ARL10: variants seen among roughly 807,000 people sequenced by gnomAD.
ARL10 encodes ARF like GTPase 10.
In ARL10, 23 loss-of-function variants were observed where a neutral mutation model predicts 26.1. The observed-to-expected ratio is 0.88, with a 90% CI of 0.63 to 1.25. The LOEUF is 1.25. Ranked by LOEUF, ARL10 falls within the 50% of genes most tolerant of loss-of-function variation. ARL10 has a pLI of 0.00. For synonymous variants in ARL10, 138 were observed against 149.1 expected (o/e 0.93, Z 0.54); for missense variants, 300 against 323.6 (o/e 0.93, Z 0.56).
Position 176,377,587 on chromosome 5 carries a change from G to T in ARL10, c.*5692G>T, listed in dbSNP as rs1455216288. Reference sequence around the variant, plus strand: ...GAAGTCCATCTGTAAGCGTTCAAATGGTCCATCAGGTGTTGGTGGAAATAC... The same window carrying T: ...GAAGTCCATCTGTAAGCGTTCAAATTGTCCATCAGGTGTTGGTGGAAATAC... On this transcript the variant is annotated 3_prime_UTR_variant, in exon 4 of 4. Coordinates refer to ENST00000310389, the MANE Select transcript of ARL10 (RefSeq NM_173664.6). The surrounding 1 kb of genome is among the most constrained non-coding windows in gnomAD (Gnocchi z 4.5). The T allele has an allele frequency of 6.6e-6, 1 of 152,174 alleles. No individual in the cohort carries two copies. Among genetic ancestry groups the T allele is most frequent in the Non-Finnish European group, 1.5e-5 (1 of 68,038 alleles). 9.4% of individuals were successfully genotyped at this position (152,174 alleles called of 1,614,324 possible).
chr5:176,399,166 GTGTT>G (rs1277667880), intron 1 of ARL10, among the ~76,000 whole-genome samples: 2 of 151,942 alleles, frequency 1.3e-5, no homozygotes, highest in East Asian at 3.9e-4. Flanking sequence ...ACTTTATAAT[GTGTT>G]TGTCTGTCTC....
chr5:176,369,873 C>A (rs1478076882), intron 3 of ARL10, among the ~76,000 whole-genome samples: 1 of 150,906 alleles, frequency 6.6e-6, no homozygotes, highest in African/African-American at 2.4e-5. Context: ...GCAGAAAGAT[C>A]ACTTGAACCC....
At chr5:176,406,174 G>A (rs569593173), downstream of ARL10, 1 of 989,550 alleles carries the variant, frequency 1.0e-6, no homozygotes, top group East Asian at 1.1e-4. Flanking sequence ...TCTCAGTGGG[G>A]AGATCAGTCA....
chr5:176,369,479 C>T (rs1011029223), intron 3 of ARL10, among the ~76,000 whole-genome samples: 10 of 152,120 alleles, frequency 6.6e-5, no homozygotes, highest in Non-Finnish European at 7.3e-5. Flanking sequence ...GTGATCCGCC[C>T]GCCTCAGCTT....
chr5:176,399,814 A>G (rs1401188490), intron 1 of ARL10, among the ~76,000 whole-genome samples: 1 of 151,562 alleles, frequency 6.6e-6, no homozygotes, highest in Non-Finnish European at 1.5e-5. Flanking sequence ...GGAGGCGAAG[A>G]TTGCAGTGAG....
At chr5:176,397,613 T>C in intron 1 of ARL10, 1 of 1,479,168 alleles carries the variant, frequency 6.8e-7, no homozygotes, top group Non-Finnish European at 9.1e-7. Flanking sequence ...TCACCGGTTG[T>C]TGATCTTGTT....
Position 176,372,964 on chromosome 5 carries a change from GTT to G in ARL10, c.*1070_*1071del, listed in dbSNP as rs1768590373. 5.0e-6 allele frequency: 2 copies of G among 398,482 alleles called. No homozygotes were observed. Among genetic ancestry groups the G allele is most frequent in the African/African-American group, 2.1e-5 (1 of 48,608 alleles). 24.7% of individuals were successfully genotyped at this position (398,482 alleles called of 1,614,324 possible). On this transcript the variant is annotated 3_prime_UTR_variant, in exon 4 of 4. Coordinates refer to ENST00000310389, the MANE Select transcript of ARL10 (RefSeq NM_173664.6). ...GATGTCAGTGGAGACAAAGTTGTGGGTTCCTCCTCCCACCTGGCTTTGAGGCT... is the reference window on the plus strand; with the variant it reads ...GATGTCAGTGGAGACAAAGTTGTGGGCCTCCTCCCACCTGGCTTTGAGGCT...
the ARL10 span, among the ~76,000 whole-genome samples, chr5:176,412,067 T>A: frequency 1.3e-5 from 2 of 150,478 alleles, no homozygotes; most frequent in Non-Finnish European, 2.9e-5. Flanking sequence ...TCCCAGCCAC[T>A]CGGGAGGCTG....
chr5:176,403,829 T>TG (rs2113656627), downstream of ARL10, among the ~76,000 whole-genome samples: 1 of 152,296 alleles, frequency 6.6e-6, no homozygotes, highest in Non-Finnish European at 1.5e-5. Flanking sequence ...GCGTGATCTC[T>TG]GCTCGCTGAA....
the ARL10 span, chr5:176,410,426 A>T: frequency 4.3e-6 from 3 of 691,754 alleles, no homozygotes; most frequent in African/African-American, 5.4e-5. Context: ...ACCCACATGC[A>T]AACAGACATA....
intron 1 of ARL10, among the ~76,000 whole-genome samples, chr5:176,399,887 A>AC (rs1756728403): frequency 6.7e-6 from 1 of 150,100 alleles, no homozygotes; most frequent in Non-Finnish European, 1.5e-5. Context: ...CAAAAAAAAA[A>AC]AAAAGAAAGA....
intron 1 of ARL10, among the ~76,000 whole-genome samples, chr5:176,397,222 T>C (rs1484107824): frequency 6.6e-6 from 1 of 152,116 alleles, no homozygotes. Context: ...AACAGGCCTT[T>C]CCCTTCCTGG....
rs1768250955 is a variant in ARL10 at position 176,365,589 on chromosome 5, T to G, written c.26T>G (p.Leu9Trp). 1 of 1,244,076 alleles carries G rather than the reference T, an allele frequency of 8.0e-7. No individual in the cohort carries two copies. The allele number at this position is 1,244,076 out of a possible 1,614,324, so 77.1% of individuals were successfully genotyped here. Residue 9 changes from leucine (L) to tryptophan (W), a missense_variant, in exon 1 of 4, where the codon TTG becomes TGG. Physicochemically the swap from Leu to Trp is moderately conservative, Grantham distance 61. Transcript: ENST00000310389. Reference sequence around the variant, plus strand: ...ATGGCGCCGCGGCCGCTGGGCCCCTTGGTGCTGGCGCTGGGCGGCGCCGCG... The same window carrying G: ...ATGGCGCCGCGGCCGCTGGGCCCCTGGGTGCTGGCGCTGGGCGGCGCCGCG... MAPRPLGP[L>W]VLALGGAAAV...
Position 176,372,130 on chromosome 5 carries a change from G to A in ARL10, c.*235G>A. ...TGAGACAGAGGGTGGGGAGGATAGT[G>A]TCTGGCTCATTCCAGGCTGGAATGT... On this transcript the variant is annotated 3_prime_UTR_variant, in exon 4 of 4. Transcript: ENST00000310389. The A allele has an allele frequency of 7.4e-7, 1 of 1,359,390 alleles. No individual in the cohort carries two copies. The highest frequency in any genetic ancestry group is 3.1e-5 in the Admixed American group (1 of 32,594). 84.2% of individuals were successfully genotyped at this position (1,359,390 alleles called of 1,614,324 possible). A position where few individuals can be genotyped will look rare whatever the true frequency, so the allele number is the denominator to read the frequency against.
At chr5:176,403,502 T>G (rs762561365), downstream of ARL10, among the ~76,000 whole-genome samples, 1 of 152,072 alleles carries the variant, frequency 6.6e-6, no homozygotes, top group African/African-American at 2.4e-5. Flanking sequence ...TCACCCAGGC[T>G]GGAGTGCAGT....
At chr5:176,410,214 G>C in the ARL10 span, 2 of 1,572,880 alleles carry the variant, frequency 1.3e-6, no homozygotes, top group South Asian at 1.1e-5. Context: ...ACTGAGACCA[G>C]GGCTGTTGGT....
chr5:176,375,163 TCCACCCACCCACCCACCCATCCAC>T lies in ARL10; in HGVS notation c.*3272_*3295del, dbSNP rs1768654872. The T allele has an allele frequency of 2.8e-4, 13 of 46,022 alleles. No individual in the cohort carries two copies. Among genetic ancestry groups the T allele is most frequent in the Admixed American group, 8.2e-4 (3 of 3,672 alleles). 2.9% of individuals were successfully genotyped at this position (46,022 alleles called of 1,614,324 possible). On this transcript the variant is annotated 3_prime_UTR_variant, in exon 4 of 4. Transcript: ENST00000310389. ...ACCCATCCACCCACCCACCCATCCATCCACCCACCCACCCACCCATCCACCCATCCATCCATCCATCCACTCATC... is the reference window on the plus strand; with the variant it reads ...ACCCATCCACCCACCCACCCATCCATCCATCCATCCATCCATCCACTCATC...
downstream of ARL10, among the ~76,000 whole-genome samples, chr5:176,390,076 C>T (rs912194965): frequency 6.0e-5 from 9 of 148,980 alleles, no homozygotes; most frequent in Non-Finnish European, 1.3e-4. Context: ...CAGCTACTCG[C>T]GAGGCTGAGG....
intron 3 of ARL10, 175 bp downstream of exon 3, chr5:176,369,157 C>T (rs1249712634): frequency 3.3e-6 from 5 of 1,534,556 alleles, no homozygotes; most frequent in Non-Finnish European, 3.5e-6. Context: ...TCCTCTTTGC[C>T]TCCCTATCAT....
Sources: allele counts gnomAD v4.1 joint callset (sites outside exome capture counted in the v4.1 genomes callset), GRCh38; gene constraint gnomAD v4.1.1; non-coding constraint Gnocchi (gnomAD v3.1); transcripts MANE v1.5; gene names NCBI Gene and HGNC (gene_info 2026-07-23, HGNC 2026-07-21).